Variants in FGF14 observed in about 807,000 individuals in gnomAD.
The protein encoded by FGF14 is fibroblast growth factor 14, also known as fibroblast growth factor homologous factor 4.
Under a neutral mutation model 25.5 loss-of-function variants are expected in FGF14, and 5 were observed. The ratio of observed to expected loss-of-function variants is 0.20; its 90% confidence interval spans 0.10 to 0.41. FGF14 has a LOEUF of 0.41. Among genes scored for constraint, FGF14 ranks in the 10% least tolerant of loss-of-function variants. The probability of loss-of-function intolerance (pLI) is 1.00; values close to 1 mark genes in which losing one functional copy is unlikely to be tolerated. For missense variants in FGF14, 222 were observed against 320.1 expected, an observed-to-expected ratio of 0.69 and a Z score of 2.34; for synonymous variants, 138 against 118.3, an observed-to-expected ratio of 1.17 and a Z score of -1.08.
chr13:101,954,398 T>C (rs2036378809), intron 1 of FGF14, among the ~76,000 whole-genome samples: 1 of 152,176 alleles, frequency 6.6e-6, no homozygotes, highest in South Asian at 2.1e-4. Context: ...TATTTCATTG[T>C]AGCACTATGG....
intron 3 of FGF14, among the ~76,000 whole-genome samples, chr13:101,747,823 A>G (rs960946459): frequency 9.2e-5 from 14 of 151,910 alleles, no homozygotes; most frequent in African/African-American, 3.1e-4. Context: ...GAAAGGAACA[A>G]TTCTTAAAAG....
intron 1 of FGF14, among the ~76,000 whole-genome samples, chr13:102,086,386 C>T (rs561862853): frequency 6.4e-4 from 98 of 151,954 alleles, no homozygotes; most frequent in Non-Finnish European, 1.3e-3. Flanking sequence ...AAATATTAGC[C>T]GGGCGTGGTG....
intron 3 of FGF14, among the ~76,000 whole-genome samples, chr13:101,845,053 T>G (rs745450059): frequency 2.0e-4 from 31 of 152,136 alleles, no homozygotes; most frequent in Middle Eastern, 3.4e-3. Context: ...TCCTACAAGA[T>G]ACAAATCACC....
chr13:101,748,586 C>G (rs1478890808), intron 3 of FGF14, among the ~76,000 whole-genome samples: 1 of 151,302 alleles, frequency 6.6e-6, no homozygotes, highest in East Asian at 1.9e-4. Context: ...TGTAAAAAAA[C>G]AGCAACAAAG....
chr13:101,827,288 A>T (rs2042435118), intron 3 of FGF14, among the ~76,000 whole-genome samples: 1 of 151,986 alleles, frequency 6.6e-6, no homozygotes, highest in Non-Finnish European at 1.5e-5. Context: ...TACAATGCAC[A>T]TAGCTTGGTG....
intron 1 of FGF14, among the ~76,000 whole-genome samples, chr13:102,392,322 G>T (rs1243628147): frequency 6.6e-6 from 1 of 152,140 alleles, no homozygotes; most frequent in Admixed American, 6.5e-5. Context: ...TGCACTACTT[G>T]ACTCCTCAAA....
At chr13:102,224,866 T>C (rs1485976833) in intron 1 of FGF14, among the ~76,000 whole-genome samples, 1 of 152,160 alleles carries the variant, frequency 6.6e-6, no homozygotes, top group Non-Finnish European at 1.5e-5. Flanking sequence ...CACTGTAATC[T>C]AAGTTGGTGC....
At chr13:102,281,336 A>G (rs892607999) in intron 1 of FGF14, among the ~76,000 whole-genome samples, 2 of 152,198 alleles carry the variant, frequency 1.3e-5, no homozygotes, top group African/African-American at 4.8e-5. Context: ...TCCAGTAAAG[A>G]AGAAGCAAGA....
intron 1 of FGF14, among the ~76,000 whole-genome samples, chr13:102,195,382 A>G (rs1594360450): frequency 6.6e-6 from 1 of 152,298 alleles, no homozygotes; most frequent in East Asian, 1.9e-4. Flanking sequence ...ATGTAGCAGC[A>G]AAATTTTATA....
intron 1 of FGF14, among the ~76,000 whole-genome samples, chr13:102,144,658 T>C (rs921170966): frequency 7.2e-5 from 11 of 152,168 alleles, no homozygotes; most frequent in Non-Finnish European, 1.0e-4. Flanking sequence ...TGTAGAGAAT[T>C]GGAAAAATCA....
At chr13:102,176,439 T>C (rs1032101052) in intron 1 of FGF14, among the ~76,000 whole-genome samples, 1 of 151,762 alleles carries the variant, frequency 6.6e-6, no homozygotes, top group African/African-American at 2.4e-5. Context: ...TAGAAGAGGG[T>C]TGTAGGGTGA....
intron 1 of FGF14, among the ~76,000 whole-genome samples, chr13:102,067,538 G>A (rs765973057): frequency 1.3e-5 from 2 of 151,652 alleles, no homozygotes; most frequent in South Asian, 2.1e-4. Flanking sequence ...GAGCACTTCA[G>A]TGACCTTCCC....
intron 3 of FGF14, among the ~76,000 whole-genome samples, chr13:101,861,379 G>C (rs1265203815): frequency 6.6e-6 from 1 of 152,024 alleles, no homozygotes; most frequent in Non-Finnish European, 1.5e-5. Flanking sequence ...TATTTTCTTA[G>C]TGAAAAGCAT....
intron 4 of FGF14, among the ~76,000 whole-genome samples, chr13:101,723,369 C>T (rs1435886177): frequency 2.0e-5 from 3 of 151,996 alleles, no homozygotes; most frequent in Non-Finnish European, 4.4e-5. Flanking sequence ...TTAATATCAA[C>T]ACATGAACTT....
At chr13:101,912,576 T>C (rs2033057146) in intron 1 of FGF14, among the ~76,000 whole-genome samples, 1 of 152,188 alleles carries the variant, frequency 6.6e-6, no homozygotes, top group South Asian at 2.1e-4. Context: ...TTGATTTCCT[T>C]GTAAATTCCC....
intron 1 of FGF14, among the ~76,000 whole-genome samples, chr13:102,220,506 C>T (rs944276480): frequency 6.6e-6 from 1 of 152,166 alleles, no homozygotes; most frequent in African/African-American, 2.4e-5. Context: ...TATATTTTTA[C>T]TTATTGTACT....
At chr13:101,811,764 C>A (rs1185510415) in intron 3 of FGF14, among the ~76,000 whole-genome samples, 1 of 152,256 alleles carries the variant, frequency 6.6e-6, no homozygotes, top group Admixed American at 6.5e-5. Context: ...TGCTCCCCAG[C>A]GTTTGACATT....
At chr13:102,282,044 G>A (rs757642432) in intron 1 of FGF14, among the ~76,000 whole-genome samples, 35 of 148,218 alleles carry the variant, frequency 2.4e-4, no homozygotes, top group Non-Finnish European at 4.1e-4. Context: ...TGACCTTGCC[G>A]CTTCTCCTAA....
intron 1 of FGF14, among the ~76,000 whole-genome samples, chr13:102,308,934 A>AAAAAAAAAAAAAAAAC (rs1555398892): frequency 1.4e-5 from 2 of 139,680 alleles, no homozygotes; most frequent in African/African-American, 2.7e-5. Context: ...AAAAAAAAAA[A>AAAAAAAAAAAAAAAAC]CACAAAAAAA....
Sources: gnomAD v4.1 joint callset for allele counts (sites outside exome capture counted in the v4.1 genomes callset) on GRCh38, gnomAD v4.1.1 for gene constraint, MANE v1.5 for transcripts, NCBI Gene and HGNC (gene_info 2026-07-23, HGNC 2026-07-21) for gene names.